The following CCDC170 variants were observed in gnomAD, a reference collection of about 807,000 sequenced individuals.
The protein encoded by CCDC170 is coiled-coil domain-containing protein 170.
CCDC170 carries 69 observed loss-of-function variants against 72.6 expected under a neutral mutation model. The observed-to-expected ratio is 0.95, with a 90% confidence interval of 0.78 to 1.16. The LOEUF (loss-of-function observed/expected upper bound fraction) is 1.16, where lower values mean the gene tolerates loss of function less well. CCDC170 is among the 50% of genes most tolerant of loss of function. The probability of loss-of-function intolerance (pLI) is 0.00; values close to 1 mark genes in which losing one functional copy is unlikely to be tolerated. For missense variants in CCDC170, 852 were observed against 832.5 expected, an observed-to-expected ratio of 1.02 and a Z score of -0.29; for synonymous variants, 300 against 303.9, an observed-to-expected ratio of 0.99 and a Z score of 0.13.
intron 1 of CCDC170, among the ~76,000 whole-genome samples, chr6:151,518,837 A>T: frequency 6.6e-6 from 1 of 152,288 alleles, no homozygotes; most frequent in East Asian, 1.9e-4. Flanking sequence ...GGACTTTAAA[A>T]GGGGAAGGGG....
Position 151,541,879 on chromosome 6 carries a change from TATATA to T in CCDC170, c.444-2692_444-2688del, listed in dbSNP as rs1230668779. Among the ~76,000 whole-genome samples, 456 of 62,612 alleles carry T rather than the reference TATATA, an allele frequency of 7.3e-3. 1 individual carries two copies. The highest frequency in any genetic ancestry group is 0.019 in the African/African-American group (420 of 22,516). 41.1% of individuals were successfully genotyped at this position (62,612 alleles called of 152,430 possible). ...ATATAAATATAAATATATATATATA[TATATA>T]TATTTTTTTTTTTAAGACAGAGTCT... On this transcript the variant is annotated intron_variant, in intron 3 of 10. Coordinates refer to ENST00000239374, the MANE Select transcript of CCDC170 (RefSeq NM_025059.4).
intron 6 of CCDC170, among the ~76,000 whole-genome samples, chr6:151,575,140 C>G (rs1404912052): frequency 6.6e-6 from 1 of 152,138 alleles, no homozygotes; most frequent in East Asian, 1.9e-4. Context: ...TTATAGAAGT[C>G]CTAGTTAATG....
chr6:151,546,504 C>A (rs1430184657), intron 4 of CCDC170, among the ~76,000 whole-genome samples: 1 of 152,028 alleles, frequency 6.6e-6, no homozygotes, highest in Non-Finnish European at 1.5e-5. Flanking sequence ...CTTGCTGAGC[C>A]GGGAGAGCCT....
chr6:151,570,439 A>G (rs1389209588), intron 5 of CCDC170, among the ~76,000 whole-genome samples: 4 of 152,240 alleles, frequency 2.6e-5, no homozygotes, highest in South Asian at 2.1e-4. Context: ...TACAAATAAC[A>G]AAACAACAAT....
chr6:151,533,935 A>G (rs778615594), intron 1 of CCDC170, among the ~76,000 whole-genome samples: 3 of 152,194 alleles, frequency 2.0e-5, no homozygotes, highest in African/African-American at 4.8e-5. Context: ...ATTTAGATTC[A>G]GCACCTACCT....
intron 1 of CCDC170, among the ~76,000 whole-genome samples, chr6:151,536,055 C>G (rs1782572116): frequency 6.6e-6 from 1 of 152,238 alleles, no homozygotes; most frequent in Non-Finnish European, 1.5e-5. Context: ...CCAACACACT[C>G]TGCCATAGGC....
At chr6:151,535,375 C>T (rs902278364) in intron 1 of CCDC170, among the ~76,000 whole-genome samples, 2 of 152,156 alleles carry the variant, frequency 1.3e-5, no homozygotes, top group African/African-American at 4.8e-5. Context: ...CCATGTGTGA[C>T]ACTGCCATCT....
At chr6:151,507,692 G>A (rs1343382519) in intron 1 of CCDC170, among the ~76,000 whole-genome samples, 1 of 152,100 alleles carries the variant, frequency 6.6e-6, no homozygotes, top group Non-Finnish European at 1.5e-5. Flanking sequence ...GGAGGCCGAG[G>A]TGGGCAGATC....
At chr6:151,507,977 T>TA (rs1782089198) in intron 1 of CCDC170, among the ~76,000 whole-genome samples, 1 of 151,898 alleles carries the variant, frequency 6.6e-6, no homozygotes, top group South Asian at 2.1e-4. Flanking sequence ...ATAGAAGAGT[T>TA]ACTACTAGGT....
At chr6:151,581,440 C>G (rs939808607) in intron 6 of CCDC170, among the ~76,000 whole-genome samples, 2 of 152,204 alleles carry the variant, frequency 1.3e-5, no homozygotes, top group Admixed American at 6.5e-5. Flanking sequence ...CATGAGGTTA[C>G]AGCAATTCAG....
At chr6:151,498,278 A>G (rs1270978688) in intron 1 of CCDC170, among the ~76,000 whole-genome samples, 1 of 152,054 alleles carries the variant, frequency 6.6e-6, no homozygotes, top group Non-Finnish European at 1.5e-5. Context: ...ATAGCAACAC[A>G]CTCTATCAGC....
Position 151,518,021 on chromosome 6 carries a change from C to G in CCDC170, c.58-18297C>G, listed in dbSNP as rs113628092. Among the ~76,000 whole-genome samples, 334 of 151,900 alleles carry G rather than the reference C, an allele frequency of 2.2e-3. 1 individual carries two copies. The highest frequency in any genetic ancestry group is 3.8e-3 in the Non-Finnish European group (257 of 67,982). ...AATTCTCAAAAATCCAGGCCTTTTG[C>G]AAACAGTAAAGATTATACGAAACAC... On this transcript the variant is annotated intron_variant, in intron 1 of 10. Transcript: ENST00000239374.
intron 1 of CCDC170, among the ~76,000 whole-genome samples, chr6:151,531,719 C>T (rs1387614356): frequency 6.6e-6 from 1 of 152,164 alleles, no homozygotes; most frequent in Non-Finnish European, 1.5e-5. Flanking sequence ...TTATTTGACT[C>T]ACAGTTCAGC....
At chr6:151,601,873 A>C (rs889993901) in intron 9 of CCDC170, among the ~76,000 whole-genome samples, 5 of 152,236 alleles carry the variant, frequency 3.3e-5, no homozygotes, top group Non-Finnish European at 7.3e-5. Context: ...GTATCTGGGC[A>C]TGATTGCCCA....
chr6:151,592,229 A>G (rs1363852285), intron 7 of CCDC170, among the ~76,000 whole-genome samples: 9 of 152,180 alleles, frequency 5.9e-5, no homozygotes, highest in South Asian at 2.1e-4. Context: ...GCATGGTGGC[A>G]CGTGCCTGTA....
intron 1 of CCDC170, among the ~76,000 whole-genome samples, chr6:151,508,612 C>T (rs1406195662): frequency 6.6e-6 from 1 of 152,044 alleles, no homozygotes; most frequent in Non-Finnish European, 1.5e-5. Context: ...ACTCAGGAGG[C>T]TGAAGCACAA....
chr6:151,518,733 G>A (rs1029739180), intron 1 of CCDC170, among the ~76,000 whole-genome samples: 3 of 152,186 alleles, frequency 2.0e-5, no homozygotes, highest in African/African-American at 7.2e-5. Context: ...AGAGTACAGA[G>A]AGGAATTTTA....
At chr6:151,498,722 C>T (rs115429675) in intron 1 of CCDC170, among the ~76,000 whole-genome samples, 11,127 of 151,250 alleles carry the variant, frequency 0.074, 482 homozygotes, top group East Asian at 0.16. Flanking sequence ...ATTCTAGGCA[C>T]GGTGTATAAG....
chr6:151,549,472 T>C (rs939309639), intron 5 of CCDC170, among the ~76,000 whole-genome samples: 2 of 152,240 alleles, frequency 1.3e-5, no homozygotes, highest in African/African-American at 4.8e-5. Context: ...ATAGGTAATA[T>C]ATTTACAAGA....
Sources: gnomAD v4.1 joint callset for allele counts (sites outside exome capture counted in the v4.1 genomes callset) on GRCh38, gnomAD v4.1.1 for gene constraint, MANE v1.5 for transcripts, NCBI Gene and HGNC (gene_info 2026-07-23, HGNC 2026-07-21) for gene names.